Variants in CTDSPL observed in about 807,000 individuals in gnomAD.
CTDSPL encodes CTD small phosphatase-like protein.
CTDSPL carries 8 observed loss-of-function variants against 30.5 expected under a neutral mutation model. The observed-to-expected ratio is 0.26, with a 90% CI of 0.15 to 0.47. The LOEUF (loss-of-function observed/expected upper bound fraction) is 0.47. Ranked by LOEUF, CTDSPL falls within the 20% of genes least tolerant of loss-of-function variation. The probability of loss-of-function intolerance (pLI) is 0.99; values close to 1 mark genes in which losing one functional copy is unlikely to be tolerated. For synonymous variants in CTDSPL, 110 were observed against 137.9 expected, an observed-to-expected ratio of 0.80 and a Z score of 1.42; for missense variants, 248 against 366.1, an observed-to-expected ratio of 0.68 and a Z score of 2.63.
intron 1 of CTDSPL, among the ~76,000 whole-genome samples, chr3:37,914,873 CTTTTT>C (rs11304152): frequency 1.9e-5 from 1 of 51,284 alleles, no homozygotes. Flanking sequence ...TATATATGTT[CTTTTT>C]TTTTTTTTTT....
At chr3:37,931,011 T>C (rs1278035989) in intron 1 of CTDSPL, among the ~76,000 whole-genome samples, 2 of 152,214 alleles carry the variant, frequency 1.3e-5, no homozygotes, top group African/African-American at 2.4e-5. Flanking sequence ...CTCTTTTTTT[T>C]CCGTTTACAT....
chr3:37,878,869 T>C (rs966893472), intron 1 of CTDSPL, among the ~76,000 whole-genome samples: 1 of 152,218 alleles, frequency 6.6e-6, no homozygotes, highest in Non-Finnish European at 1.5e-5. Context: ...AATAAGCATT[T>C]GAGTTTAAAC....
intron 1 of CTDSPL, among the ~76,000 whole-genome samples, chr3:37,905,872 A>G (rs1698509296): frequency 6.6e-6 from 1 of 152,250 alleles, no homozygotes; most frequent in Non-Finnish European, 1.5e-5. Context: ...ATATTTTTCC[A>G]GGTTTTAGTC....
intron 7 of CTDSPL, among the ~76,000 whole-genome samples, chr3:37,979,935 A>G (rs1699471068): frequency 6.6e-6 from 1 of 152,140 alleles, no homozygotes; most frequent in Non-Finnish European, 1.5e-5. Context: ...AAGTGTGTCC[A>G]TTTCTGCCCT....
At chr3:37,878,869 T>G (rs966893472) in intron 1 of CTDSPL, among the ~76,000 whole-genome samples, 1 of 152,218 alleles carries the variant, frequency 6.6e-6, no homozygotes, top group African/African-American at 2.4e-5. Context: ...AATAAGCATT[T>G]GAGTTTAAAC....
chr3:37,913,693 A>G (rs1413101815), intron 1 of CTDSPL, among the ~76,000 whole-genome samples: 3 of 152,192 alleles, frequency 2.0e-5, no homozygotes, highest in Non-Finnish European at 2.9e-5. Context: ...TTGAGGTCCA[A>G]AAAGGGGAAG....
chr3:37,879,269 A>G (rs1698175240), intron 1 of CTDSPL, among the ~76,000 whole-genome samples: 1 of 152,244 alleles, frequency 6.6e-6, no homozygotes, highest in African/African-American at 2.4e-5. Flanking sequence ...TAATGTAGAG[A>G]TGGCCAGAGT....
intron 1 of CTDSPL, among the ~76,000 whole-genome samples, chr3:37,923,842 A>C (rs1471123680): frequency 6.6e-6 from 1 of 151,918 alleles, no homozygotes; most frequent in East Asian, 1.9e-4. Flanking sequence ...TGCAAAATTC[A>C]CACAGTATTA....
chr3:37,945,934 G>C (rs1575311651), intron 1 of CTDSPL, among the ~76,000 whole-genome samples: 1 of 152,356 alleles, frequency 6.6e-6, no homozygotes, highest in South Asian at 2.1e-4. Flanking sequence ...GGAACTAGGT[G>C]TTACACAAAT....
intron 1 of CTDSPL, among the ~76,000 whole-genome samples, chr3:37,902,649 A>ACTGCTGTCT (rs1481273096): frequency 2.0e-5 from 3 of 151,870 alleles, no homozygotes; most frequent in African/African-American, 7.3e-5. Context: ...TCTCACCCCA[A>ACTGCTGTCT]CTGCTGTCTC....
In CTDSPL at chr3:37,981,410, CG is replaced by C; in HGVS notation, c.*549del. On this transcript the variant is annotated 3_prime_UTR_variant, in exon 8 of 8. Transcript: ENST00000273179. ...AACCTGGTAGCGTGTGTGTGTGTGG[CG>C]GGGGGTGCTGAGGGAGGGGAGTGAG... 1 of 168,854 alleles carries C rather than the reference CG, an allele frequency of 5.9e-6. No homozygotes were observed. Among genetic ancestry groups the C allele is most frequent in the South Asian group, 1.2e-4 (1 of 8,036 alleles). 10.5% of individuals were successfully genotyped at this position (168,854 alleles called of 1,614,324 possible).
At chr3:37,895,862 T>C (rs1472302689) in intron 1 of CTDSPL, among the ~76,000 whole-genome samples, 1 of 151,590 alleles carries the variant, frequency 6.6e-6, no homozygotes, top group African/African-American at 2.4e-5. Context: ...CTTCACTGAA[T>C]GTAAATTTCA....
intron 6 of CTDSPL, among the ~76,000 whole-genome samples, chr3:37,974,968 G>C (rs886592467): frequency 6.6e-6 from 1 of 152,192 alleles, no homozygotes; most frequent in Non-Finnish European, 1.5e-5. Context: ...TCAGGCCTGG[G>C]CCCTGACAAG....
chr3:37,877,518 C>T (rs531375184), intron 1 of CTDSPL, among the ~76,000 whole-genome samples: 1 of 152,320 alleles, frequency 6.6e-6, no homozygotes, highest in African/African-American at 2.4e-5. Flanking sequence ...ACACTTGTGT[C>T]ACTTCCATGT....
intron 1 of CTDSPL, among the ~76,000 whole-genome samples, chr3:37,928,108 A>G (rs1698806697): frequency 6.6e-6 from 1 of 152,134 alleles, no homozygotes; most frequent in South Asian, 2.1e-4. Context: ...ATTCCATTGT[A>G]TGCATGGACC....
chr3:37,964,737 G>A (rs1266460992), intron 4 of CTDSPL, 65 bp downstream of exon 4: 58 of 1,291,466 alleles, frequency 4.5e-5, no homozygotes, highest in Non-Finnish European at 5.1e-5. Flanking sequence ...TTGGAAAAGG[G>A]AAAACAAAAA....
chr3:37,953,235 A>G (rs2125625375), intron 2 of CTDSPL, among the ~76,000 whole-genome samples: 1 of 152,300 alleles, frequency 6.6e-6, no homozygotes, highest in Admixed American at 6.5e-5. Context: ...ACTAGTAGCT[A>G]CCATACTGGA....
intron 1 of CTDSPL, among the ~76,000 whole-genome samples, chr3:37,895,507 T>C (rs2125598645): frequency 6.6e-6 from 1 of 152,326 alleles, no homozygotes; most frequent in South Asian, 2.1e-4. Context: ...ATGCTGTCTA[T>C]TGGAGTTTTA....
intron 1 of CTDSPL, among the ~76,000 whole-genome samples, chr3:37,873,320 G>C (rs1360817144): frequency 1.3e-5 from 2 of 152,186 alleles, no homozygotes; most frequent in Non-Finnish European, 2.9e-5. Flanking sequence ...TGTCTTGCTA[G>C]ACTGCCCCTT....
Sources: allele counts gnomAD v4.1 joint callset (sites outside exome capture counted in the v4.1 genomes callset), GRCh38; gene constraint gnomAD v4.1.1; transcripts MANE v1.5; gene names NCBI Gene and HGNC (gene_info 2026-07-23, HGNC 2026-07-21).